The following HOOK1 variants were observed in gnomAD, a reference collection of about 807,000 sequenced individuals.
HOOK1 encodes protein Hook homolog 1.
In HOOK1, 60 loss-of-function variants were observed where a neutral mutation model predicts 112.8. The observed-to-expected ratio is 0.53, with a 90% CI of 0.43 to 0.66. The LOEUF (loss-of-function observed/expected upper bound fraction) is 0.66, where lower values mean the gene tolerates loss of function less well. HOOK1 is among the 30% of genes least tolerant of loss of function. HOOK1 has a pLI of 0.00. For missense variants in HOOK1, 770 were observed against 856.0 expected (o/e 0.90, Z 1.25); for synonymous variants, 294 against 283.8 (o/e 1.04, Z -0.36).
intron 8 of HOOK1, among the ~76,000 whole-genome samples, chr1:59,843,196 A>T (rs1310633383): frequency 2.0e-5 from 3 of 151,210 alleles, no homozygotes; most frequent in Non-Finnish European, 4.4e-5. Context: ...CATTTTAAAG[A>T]TATAGTTACT....
At chr1:59,829,451 G>A (rs2098392234) in intron 3 of HOOK1, among the ~76,000 whole-genome samples, 2 of 152,004 alleles carry the variant, frequency 1.3e-5, no homozygotes, top group African/African-American at 4.8e-5. Flanking sequence ...ATAAGTATGT[G>A]CTTAACCTTA....
chr1:59,863,831 T>G, intron 16 of HOOK1: 2 of 969,008 alleles, frequency 2.1e-6, no homozygotes, highest in Non-Finnish European at 2.5e-6. Context: ...ATAGAAATCG[T>G]CTCATGCATG....
chr1:59,859,024 A>T lies in HOOK1; in HGVS notation c.1370A>T (p.Glu457Val). Residue 457 changes from glutamate (E) to valine (V), a missense_variant, in exon 14 of 22, where the codon GAG becomes GTG. Coordinates refer to ENST00000371208, the MANE Select transcript of HOOK1 (RefSeq NM_015888.6). ...ATKSYENLAA[E>V]IMPVEYREVF... ...AAAAGTTATGAGAATCTTGCTGCTG[A>T]GATTATGCCAGTGGAATATAGGTAA... The T allele has an allele frequency of 6.4e-7, 1 of 1,561,198 alleles. No individual in the cohort carries two copies.
chr1:59,866,734 A>G (rs1643975056), intron 19 of HOOK1, among the ~76,000 whole-genome samples: 1 of 152,228 alleles, frequency 6.6e-6, no homozygotes, highest in African/African-American at 2.4e-5. Flanking sequence ...TTTATGGAAC[A>G]GACTTTGCAA....
intron 21 of HOOK1, among the ~76,000 whole-genome samples, chr1:59,872,227 A>G (rs1644066091): frequency 6.6e-6 from 1 of 152,342 alleles, no homozygotes; most frequent in Admixed American, 6.5e-5. Context: ...AAAATATGGT[A>G]ATTTATCAGG....
intron 3 of HOOK1, among the ~76,000 whole-genome samples, chr1:59,831,402 A>G (rs905101321): frequency 2.6e-5 from 4 of 152,106 alleles, no homozygotes; most frequent in African/African-American, 9.7e-5. Flanking sequence ...AATTTCAAAA[A>G]TTTTTTGGCC....
At chr1:59,840,132 A>C (rs111274829) in intron 7 of HOOK1, among the ~76,000 whole-genome samples, 176 bp from the exon 8 acceptor site, 12,226 of 152,166 alleles carry the variant, frequency 0.08, 520 homozygotes, top group African/African-American at 0.13. Context: ...TTCATCAGGG[A>C]TATTGGCCTA....
chr1:59,815,533 C>G (rs2101995140), intron 1 of HOOK1, among the ~76,000 whole-genome samples: 1 of 152,050 alleles, frequency 6.6e-6, no homozygotes, highest in African/African-American at 2.4e-5. Context: ...GAACAGCGCC[C>G]GAGCCCTCCA....
intron 12 of HOOK1, among the ~76,000 whole-genome samples, chr1:59,852,449 T>G (rs915128663): frequency 2.6e-5 from 4 of 151,698 alleles, no homozygotes; most frequent in African/African-American, 9.7e-5. Flanking sequence ...TTATTTCTTC[T>G]TTATTTCTGT....
chr1:59,821,789 T>C, intron 1 of HOOK1, 69 bp from the exon 2 acceptor site: 2 of 1,139,324 alleles, frequency 1.8e-6, no homozygotes, highest in Admixed American at 2.7e-5. Flanking sequence ...TCAATTTATG[T>C]TTGCATTTTG....
At chr1:59,849,746 T>C (rs1476793646) in intron 12 of HOOK1, among the ~76,000 whole-genome samples, 2 of 151,648 alleles carry the variant, frequency 1.3e-5, no homozygotes, top group East Asian at 3.9e-4. Flanking sequence ...TTGGTGATTT[T>C]TGTGACTGAC....
intron 5 of HOOK1, among the ~76,000 whole-genome samples, chr1:59,835,136 A>G (rs1167333156): frequency 1.3e-5 from 2 of 152,182 alleles, no homozygotes; most frequent in South Asian, 2.1e-4. Context: ...ACTGACTGCA[A>G]CAATCTCAAT....
At chr1:59,822,054 A>T in intron 2 of HOOK1, 111 bp downstream of exon 2, 1 of 829,434 alleles carries the variant, frequency 1.2e-6, no homozygotes. Context: ...TTACCCAGTG[A>T]CATATTCAGG....
chr1:59,860,079 C>A, intron 14 of HOOK1, 109 bp from the exon 15 acceptor site: 1 of 697,980 alleles, frequency 1.4e-6, no homozygotes, highest in Non-Finnish European at 2.2e-6. Context: ...GTCCTGCTTG[C>A]ATCTTAAAAT....
At chr1:59,838,893 T>C (rs1166945683) in intron 7 of HOOK1, among the ~76,000 whole-genome samples, 1 of 152,124 alleles carries the variant, frequency 6.6e-6, no homozygotes, top group East Asian at 1.9e-4. Context: ...GAGGAAGGGG[T>C]CCAGTTTCAG....
At chr1:59,859,410 A>G (rs1023426224) in intron 14 of HOOK1, among the ~76,000 whole-genome samples, 1 of 152,084 alleles carries the variant, frequency 6.6e-6, no homozygotes, top group Non-Finnish European at 1.5e-5. Context: ...GAAGTGGTAA[A>G]TGTATAAAGG....
chr1:59,828,584 G>C (rs913893080), intron 2 of HOOK1, among the ~76,000 whole-genome samples, 196 bp from the exon 3 acceptor site: 4 of 151,968 alleles, frequency 2.6e-5, no homozygotes, highest in African/African-American at 9.7e-5. Context: ...TAAATATTTA[G>C]TAAATGTTTA....
At chr1:59,872,729 G>A in intron 21 of HOOK1, 66 bp from the exon 22 acceptor site, 2 of 1,138,768 alleles carry the variant, frequency 1.8e-6, no homozygotes, top group African/African-American at 3.2e-5. Flanking sequence ...GTGTCTTTAT[G>A]TGAGAAGCAC....
chr1:59,853,973 TAA>T (rs1488870400), intron 12 of HOOK1, among the ~76,000 whole-genome samples: 1 of 120,964 alleles, frequency 8.3e-6, no homozygotes, highest in Non-Finnish European at 1.6e-5. Flanking sequence ...AATTGTAGAC[TAA>T]AAGAGTTAAA....
Sources: gnomAD v4.1 joint callset for allele counts (sites outside exome capture counted in the v4.1 genomes callset) on GRCh38, gnomAD v4.1.1 for gene constraint, MANE v1.5 for transcripts, NCBI Gene and HGNC (gene_info 2026-07-23, HGNC 2026-07-21) for gene names.